The following FANCM variants were observed in gnomAD, a reference collection of about 807,000 sequenced individuals.
FANCM encodes Fanconi anemia group M protein.
FANCM carries 140 observed loss-of-function variants against 199.5 expected under a neutral mutation model. The ratio of observed to expected loss-of-function variants is 0.70; its 90% confidence interval spans 0.61 to 0.81. The LOEUF is 0.81. Ranked by LOEUF, FANCM falls within the 30% of genes least tolerant of loss-of-function variation. The pLI is 0.00. For synonymous variants in FANCM, 840 were observed against 836.8 expected (o/e 1.00, Z -0.07); for missense variants, 2,410 against 2,421.4 (o/e 1.00, Z 0.10).
chr14:45,164,374 C>T lies in FANCM; in HGVS notation c.1597C>T (p.Arg533Cys), dbSNP rs146151355. 4.2e-4 allele frequency: 680 copies of T among 1,612,106 alleles called. 1 individual carries two copies. The highest frequency in any genetic ancestry group is 5.4e-4 in the Non-Finnish European group (636 of 1,179,358). ...KEQLEVVKQFRDGGYNTLVST... is the reference protein window; with the variant it reads ...KEQLEVVKQFCDGGYNTLVST... Reference sequence around the variant, plus strand: ...TTTATTTTAGGTAGTGAAACAGTTTCGTGACGGTGGTTACAACACGCTGGT... The same window carrying T: ...TTTATTTTAGGTAGTGAAACAGTTTTGTGACGGTGGTTACAACACGCTGGT... Residue 533 changes from arginine (R) to cysteine (C), a missense_variant, in exon 10 of 23, where the codon CGT (arginine) becomes TGT (cysteine). Arg to Cys is a radical substitution (Grantham distance 180). Transcript: ENST00000267430.
chr14:45,175,036 T>C lies in FANCM; in HGVS notation c.2317-35T>C, dbSNP rs780977202. On this transcript the variant is annotated intron_variant, in intron 13 of 22. Transcript: ENST00000267430. ...GATTTGGCTTTCTGTTTTGTTTTGTTTTCCTGTGGCTTTTTAAATTTTCCT... is the reference window on the plus strand; with the variant it reads ...GATTTGGCTTTCTGTTTTGTTTTGTCTTCCTGTGGCTTTTTAAATTTTCCT... The C allele has an allele frequency of 4.9e-6, 7 of 1,419,944 alleles. No homozygotes were observed. The South Asian group carries it at 8.2e-5, about 17-fold the overall frequency. The allele number at this position is 1,419,944 out of a possible 1,614,324, so 88.0% of individuals were successfully genotyped here. A position where few individuals can be genotyped will look rare whatever the true frequency, so the allele number is the denominator to read the frequency against.
chr14:45,179,027 C>T (rs182624471), intron 14 of FANCM, among the ~76,000 whole-genome samples: 4 of 151,890 alleles, frequency 2.6e-5, no homozygotes, highest in African/African-American at 4.8e-5. Flanking sequence ...GATGAAACCC[C>T]GTCTCTACTG....
intron 13 of FANCM, among the ~76,000 whole-genome samples, chr14:45,173,532 A>G (rs1391694044): frequency 1.3e-5 from 2 of 152,168 alleles, no homozygotes; most frequent in East Asian, 3.8e-4. Context: ...AGGTTATTTG[A>G]TATCTTTCTT....
Position 45,188,860 on chromosome 14 carries a change from C to CGCA in FANCM, c.4838_4839insGCA (p.Ser1613_Cys1614insHis). ...AGTTTTTGTGTTGATGAAGAGGAGT[C>CGCA]TTGCAAAGGCCAATCAAGTGAAGAA... On this transcript the variant is annotated inframe_insertion, in exon 20 of 23. Coordinates refer to ENST00000267430, the MANE Select transcript of FANCM (RefSeq NM_020937.4). 1 of 1,613,638 alleles carries CGCA rather than the reference C, an allele frequency of 6.2e-7. No individual in the cohort carries two copies. Among genetic ancestry groups the CGCA allele is most frequent in the Non-Finnish European group, 8.5e-7 (1 of 1,179,876 alleles).
intron 20 of FANCM, among the ~76,000 whole-genome samples, chr14:45,192,504 G>A (rs1173144876): frequency 2.0e-5 from 3 of 152,306 alleles, no homozygotes; most frequent in Admixed American, 6.5e-5. Context: ...TTAGCCAGAC[G>A]TGGTGGCACA....
intron 20 of FANCM, among the ~76,000 whole-genome samples, chr14:45,192,672 C>T (rs1889837898): frequency 6.6e-6 from 1 of 151,506 alleles, no homozygotes; most frequent in Non-Finnish European, 1.5e-5. Context: ...ACAAAAGCAA[C>T]AAAAAAATTA....
intron 11 of FANCM, among the ~76,000 whole-genome samples, chr14:45,168,076 A>C (rs1303038077): frequency 6.6e-6 from 1 of 152,056 alleles, no homozygotes; most frequent in Non-Finnish European, 1.5e-5. Context: ...CCTTTATAAC[A>C]GTTCTCTATA....
At chr14:45,159,471 T>G (rs1338452308) in intron 9 of FANCM, among the ~76,000 whole-genome samples, 191 bp downstream of exon 9, 1 of 152,114 alleles carries the variant, frequency 6.6e-6, no homozygotes, top group Non-Finnish European at 1.5e-5. Flanking sequence ...ACTTTTTTTT[T>G]TTTAAAGTAA....
chr14:45,191,362 C>T (rs1003354876), intron 20 of FANCM, among the ~76,000 whole-genome samples: 1 of 152,182 alleles, frequency 6.6e-6, no homozygotes, highest in Non-Finnish European at 1.5e-5. Context: ...CTCGACAAGG[C>T]AGAGTCCCTC....
At chr14:45,166,234 C>A (rs761916141) in intron 10 of FANCM, among the ~76,000 whole-genome samples, 3 of 151,762 alleles carry the variant, frequency 2.0e-5, no homozygotes, top group Admixed American at 2.0e-4. Flanking sequence ...TGAGTTCAAG[C>A]GATTCTCCTG....
chr14:45,181,997 A>C (rs997581135), intron 16 of FANCM, among the ~76,000 whole-genome samples: 1 of 152,194 alleles, frequency 6.6e-6, no homozygotes, highest in Non-Finnish European at 1.5e-5. Context: ...AATACCTCCT[A>C]TGTGTCTACT....
chr14:45,160,181 A>G (rs996705325), intron 9 of FANCM, among the ~76,000 whole-genome samples: 3 of 150,052 alleles, frequency 2.0e-5, no homozygotes, highest in Non-Finnish European at 4.4e-5. Flanking sequence ...TTTAGTAGAG[A>G]TGGGGTTTCA....
rs77532752 is a variant in FANCM, at chr14:45,175,794, G to T, written c.3040G>T (p.Gly1014Cys). The T allele has an allele frequency of 7.2e-4, 1,162 of 1,613,592 alleles. 9 individuals carry two copies. The African/African-American group carries it at 0.014, about 19-fold the overall frequency. The change falls in exon 14 of 23, where the codon GGT (glycine) becomes TGT (cysteine). Residue 1014 changes from glycine (G) to cysteine (C), a missense_variant. Coordinates refer to ENST00000267430, the MANE Select transcript of FANCM (RefSeq NM_020937.4). The part of the protein sequence containing the change: ...LSDLEYEIAK[G>C]TALENLLFLP... ...AGACTTGGAATATGAAATTGCTAAG[G>T]GTACTGCACTTGAGAATTTGCTTTT...
intron 3 of FANCM, among the ~76,000 whole-genome samples, chr14:45,144,311 C>A (rs1041536389): frequency 6.6e-6 from 1 of 150,564 alleles, no homozygotes; most frequent in Non-Finnish European, 1.5e-5. Flanking sequence ...GTGTCCCCTC[C>A]ACCCCCCTCG....
intron 3 of FANCM, 72 bp from the exon 4 acceptor site, chr14:45,148,765 A>T (rs1886609610): frequency 5.1e-6 from 5 of 984,470 alleles, no homozygotes; most frequent in Admixed American, 4.0e-5. Context: ...CTGCTATTTT[A>T]TTTCTGTTAG....
At chr14:45,152,192 C>G (rs1206204671) in intron 5 of FANCM, among the ~76,000 whole-genome samples, 1 of 151,850 alleles carries the variant, frequency 6.6e-6, no homozygotes, top group Non-Finnish European at 1.5e-5. Flanking sequence ...CCACGCCTGG[C>G]TAATTTTTGT....
chr14:45,199,528 C>T (rs1348704761), intron 22 of FANCM, among the ~76,000 whole-genome samples: 1 of 152,196 alleles, frequency 6.6e-6, no homozygotes, highest in African/African-American at 2.4e-5. Flanking sequence ...TCTTTGACCT[C>T]TTCTTAAAAG....
At position 45,175,297 on chromosome 14, in the gene FANCM, C is replaced by G. The variant is rs889187666; in HGVS notation, c.2543C>G (p.Thr848Ser). The G allele has an allele frequency of 1.9e-6, 3 of 1,575,906 alleles. No individual in the cohort carries two copies. In the African/African-American group the frequency reaches 4.1e-5, roughly 22 times the overall value. The change falls in exon 14 of 23, where the codon ACT (threonine) becomes AGT (serine). Residue 848 changes from threonine to serine, a missense_variant. Physicochemically the swap from Thr to Ser is moderately conservative, Grantham distance 58. Transcript: ENST00000267430. The part of the protein sequence containing the change: ...EIVKQTHIKP[T>S]KIVSLKKKVS... ...GTTAAACAAACTCATATCAAACCTA[C>G]TAAAATTGTTTCTTTAAAGAAAAAA...
rs145745979 is a variant in FANCM at position 45,136,061 on chromosome 14, G to A, written c.30G>A (p.Gln10=). 201 of 1,613,718 alleles carry A rather than the reference G, an allele frequency of 1.2e-4. No individual in the cohort carries two copies. The highest frequency in any genetic ancestry group is 3.3e-4 in the Middle Eastern group (2 of 6,082). ...GCGGACGGCAAAGAACGCTTTTTCA[G>A]ACGTGGGGCTCAAGTATCTCCCGAT... is the stretch of plus-strand genomic sequence containing the variant. The part of the protein sequence containing the change: MSGRQRTLF[Q]TWGSSISRSS... The change falls in exon 1 of 23, where the codon CAG becomes CAA. Residue 10 remains glutamine (Q), a synonymous_variant. Transcript: ENST00000267430.
Sources: gnomAD v4.1 joint callset for allele counts (sites outside exome capture counted in the v4.1 genomes callset) on GRCh38, gnomAD v4.1.1 for gene constraint, MANE v1.5 for transcripts, NCBI Gene and HGNC (gene_info 2026-07-23, HGNC 2026-07-21) for gene names.